Variants in SMOC2 observed in about 807,000 individuals in gnomAD.
The protein encoded by SMOC2 is SPARC related modular calcium binding 2.
SMOC2 carries 39 observed loss-of-function variants against 61.4 expected under a neutral mutation model. The observed-to-expected ratio is 0.64, with a 90% CI of 0.49 to 0.83. The LOEUF is 0.83. Ranked by LOEUF, SMOC2 falls within the 40% of genes least tolerant of loss-of-function variation. The probability of loss-of-function intolerance (pLI) is 0.00; values close to 1 mark genes in which losing one functional copy is unlikely to be tolerated. For synonymous variants in SMOC2, 247 were observed against 239.9 expected, an observed-to-expected ratio of 1.03 and a Z score of -0.27; for missense variants, 556 against 592.9, an observed-to-expected ratio of 0.94 and a Z score of 0.65.
At chr6:168,516,918 C>T (rs1783151006) in intron 2 of SMOC2, among the ~76,000 whole-genome samples, 1 of 152,162 alleles carries the variant, frequency 6.6e-6, no homozygotes, top group Non-Finnish European at 1.5e-5. Context: ...CGTGCCATTG[C>T]ATTCCAGCCT....
At chr6:168,641,313 A>G (rs1445953625) in intron 9 of SMOC2, among the ~76,000 whole-genome samples, 1 of 152,096 alleles carries the variant, frequency 6.6e-6, no homozygotes, top group African/African-American at 2.4e-5. Flanking sequence ...CGAAACCTGA[A>G]GAAATCCCAC....
At chr6:168,617,810 C>T (rs768609368) in intron 9 of SMOC2, among the ~76,000 whole-genome samples, 1 of 152,230 alleles carries the variant, frequency 6.6e-6, no homozygotes, top group African/African-American at 2.4e-5. Context: ...TGGCCTTACC[C>T]CAGTGCATTT....
intron 9 of SMOC2, among the ~76,000 whole-genome samples, chr6:168,629,466 G>A (rs1029950849): frequency 1.5e-4 from 23 of 152,206 alleles, no homozygotes; most frequent in South Asian, 2.1e-4. Flanking sequence ...ATTGGGTGCC[G>A]GGCTGCCTGA....
intron 9 of SMOC2, among the ~76,000 whole-genome samples, chr6:168,637,321 T>C (rs1161640119): frequency 6.6e-6 from 1 of 151,976 alleles, no homozygotes. Flanking sequence ...AGGACTGTGT[T>C]TGTGGGGAAG....
intron 1 of SMOC2, among the ~76,000 whole-genome samples, chr6:168,483,203 AC>A (rs1057425278): frequency 4.6e-5 from 7 of 152,138 alleles, no homozygotes; most frequent in East Asian, 1.9e-4. Context: ...ACACACACAC[AC>A]AAAAAAACTT....
At position 168,599,053 on chromosome 6, in the gene SMOC2, T is replaced by A. The variant is rs1352788890; in HGVS notation, c.824+49T>A. The A allele has an allele frequency of 6.6e-6, 10 of 1,503,952 alleles. No homozygotes were observed. In the East Asian group the frequency reaches 2.5e-4, roughly 37 times the overall value. 93.2% of individuals were successfully genotyped at this position (1,503,952 alleles called of 1,614,324 possible). A position where few individuals can be genotyped will look rare whatever the true frequency, so the allele number is the denominator to read the frequency against. ...CCCGGGACCATGGGAGGCTTTGGGG[T>A]GTGGAAGCCAGGAAAGCAGAACCCC... On this transcript the variant is annotated intron_variant, in intron 8 of 12. Coordinates refer to ENST00000356284, the MANE Select transcript of SMOC2 (RefSeq NM_001166412.2).
intron 7 of SMOC2, 127 bp downstream of exon 7, chr6:168,549,330 G>A: frequency 2.6e-6 from 2 of 761,094 alleles, no homozygotes; most frequent in South Asian, 3.5e-5. Flanking sequence ...GAGGGGTGCA[G>A]ACCTGGCACA....
chr6:168,507,835 C>T (rs368807806), intron 1 of SMOC2, among the ~76,000 whole-genome samples: 1 of 152,256 alleles, frequency 6.6e-6, no homozygotes, highest in Admixed American at 6.5e-5. Flanking sequence ...AATTAGAGCA[C>T]GCTGTTTGAA....
At chr6:168,573,035 T>C (rs868648426) in intron 7 of SMOC2, among the ~76,000 whole-genome samples, 18 of 93,390 alleles carry the variant, frequency 1.9e-4, no homozygotes, top group African/African-American at 7.3e-4. Context: ...GAACGCGATG[T>C]TCATTTCCTC....
At chr6:168,443,966 C>T (rs1466190462) in intron 1 of SMOC2, among the ~76,000 whole-genome samples, 3 of 152,192 alleles carry the variant, frequency 2.0e-5, no homozygotes, top group East Asian at 1.9e-4. Flanking sequence ...GCTTTTAATG[C>T]GCCTACTATA....
At chr6:168,446,268 CAG>C (rs1781331642) in intron 1 of SMOC2, among the ~76,000 whole-genome samples, 1 of 152,142 alleles carries the variant, frequency 6.6e-6, no homozygotes, top group East Asian at 1.9e-4. Context: ...GAGGCTGAGA[CAG>C]GGGAATTCAT....
intron 7 of SMOC2, among the ~76,000 whole-genome samples, chr6:168,558,155 G>A (rs1361412342): frequency 6.6e-6 from 1 of 152,224 alleles, no homozygotes; most frequent in African/African-American, 2.4e-5. Context: ...GCTCACAGAT[G>A]GGGCCTCCAA....
At chr6:168,628,767 C>A (rs1245910848) in intron 9 of SMOC2, among the ~76,000 whole-genome samples, 1 of 152,260 alleles carries the variant, frequency 6.6e-6, no homozygotes, top group Non-Finnish European at 1.5e-5. Context: ...TAGATGCCTG[C>A]CTCTGAAGGC....
intron 4 of SMOC2, among the ~76,000 whole-genome samples, chr6:168,543,384 T>C (rs1783916460): frequency 6.6e-6 from 1 of 152,232 alleles, no homozygotes; most frequent in South Asian, 2.1e-4. Flanking sequence ...AGGTCTTATA[T>C]ACATGTGCAA....
intron 7 of SMOC2, among the ~76,000 whole-genome samples, chr6:168,584,849 C>T (rs1464261686): frequency 2.0e-5 from 3 of 152,218 alleles, no homozygotes; most frequent in African/African-American, 7.2e-5. Flanking sequence ...GAAACCCAAG[C>T]ACCTGTGGAA....
At chr6:168,460,792 G>A (rs1218822903) in intron 1 of SMOC2, among the ~76,000 whole-genome samples, 2 of 152,220 alleles carry the variant, frequency 1.3e-5, no homozygotes, top group African/African-American at 4.8e-5. Flanking sequence ...GTGGAAATGT[G>A]TTAAGAGACA....
In SMOC2 at chr6:168,666,446, A is replaced by G. The variant is rs1342006821; in HGVS notation, c.*8A>G. On this transcript the variant is annotated 3_prime_UTR_variant, in exon 13 of 13. Transcript: ENST00000356284. ...CCAAGGAAACAAGGATAAATGGCTC[A>G]TACCCCGAAGGCAGTTCCTAGACAC... is the stretch of plus-strand genomic sequence containing the variant. The G allele has an allele frequency of 7.4e-6, 12 of 1,613,570 alleles. No individual in the cohort carries two copies. Among genetic ancestry groups the G allele is most frequent in the Non-Finnish European group, 9.3e-6 (11 of 1,179,800 alleles).
intron 9 of SMOC2, among the ~76,000 whole-genome samples, chr6:168,643,529 C>T (rs1011928083): frequency 2.6e-5 from 4 of 152,196 alleles, no homozygotes; most frequent in Non-Finnish European, 5.9e-5. Flanking sequence ...GCTCACTCCA[C>T]ACCACTGCAC....
At chr6:168,624,793 A>G (rs1183105147) in intron 9 of SMOC2, among the ~76,000 whole-genome samples, 2 of 152,080 alleles carry the variant, frequency 1.3e-5, no homozygotes, top group Non-Finnish European at 2.9e-5. Flanking sequence ...ACAGATACAC[A>G]CAGACACATG....
Sources: gnomAD v4.1 joint callset for allele counts (sites outside exome capture counted in the v4.1 genomes callset) on GRCh38, gnomAD v4.1.1 for gene constraint, MANE v1.5 for transcripts, NCBI Gene and HGNC (gene_info 2026-07-23, HGNC 2026-07-21) for gene names.